KLHL2: variants seen among roughly 807,000 people sequenced by gnomAD.
KLHL2 encodes the protein kelch-like protein 2.
Under a neutral mutation model 75.8 loss-of-function variants are expected in KLHL2, and 15 were observed. The observed-to-expected ratio is 0.20, with a 90% CI of 0.13 to 0.30. The LOEUF (loss-of-function observed/expected upper bound fraction) is 0.30. Among genes scored for constraint, KLHL2 ranks in the 10% least tolerant of loss-of-function variants. KLHL2 has a pLI of 1.00. For missense variants in KLHL2, 381 were observed against 741.0 expected (o/e 0.51, Z 5.64); for synonymous variants, 214 against 251.9 (o/e 0.85, Z 1.42).
rs188286734 is a variant in KLHL2, at chr4:165,266,836, G to T, written c.544+3477G>T. On this transcript the variant is annotated intron_variant, in intron 5 of 14. Coordinates refer to ENST00000226725, the MANE Select transcript of KLHL2 (RefSeq NM_007246.4). ...TTGTTTCCATATGAAATTTAAAGTA[G>T]TTTTTTCCAATTCTGTGAAGAAAGT... Among the ~76,000 whole-genome samples the T allele has an allele frequency of 9.7e-3, 1,472 of 152,150 alleles. 16 individuals carry two copies. The highest frequency in any genetic ancestry group is 0.016 in the Non-Finnish European group (1,096 of 67,994).
intron 4 of KLHL2, among the ~76,000 whole-genome samples, chr4:165,262,012 C>A (rs1040122163): frequency 2.6e-5 from 4 of 152,086 alleles, no homozygotes; most frequent in Non-Finnish European, 5.9e-5. Flanking sequence ...TATAAAGGAT[C>A]ACCAGAATTC....
chr4:165,302,907 A>G (rs953453794), intron 8 of KLHL2, among the ~76,000 whole-genome samples: 1 of 152,190 alleles, frequency 6.6e-6, no homozygotes, highest in South Asian at 2.1e-4. Context: ...TTTTCCTTAC[A>G]AAAGGTCTTC....
intron 3 of KLHL2, 59 bp from the exon 4 acceptor site, chr4:165,238,719 A>G (rs1739564048): frequency 8.7e-6 from 14 of 1,607,440 alleles, no homozygotes; most frequent in Middle Eastern, 3.3e-4. Flanking sequence ...CTACATTGGC[A>G]TTGGAACTTC....
At chr4:165,239,732 A>G (rs771977183) in intron 4 of KLHL2, among the ~76,000 whole-genome samples, 16 of 152,222 alleles carry the variant, frequency 1.1e-4, no homozygotes, top group Admixed American at 2.6e-4. Flanking sequence ...ATCCCTCTTT[A>G]GAAAACGGAC....
intron 1 of KLHL2, among the ~76,000 whole-genome samples, chr4:165,210,460 T>G (rs1737130730): frequency 6.6e-6 from 1 of 152,234 alleles, no homozygotes; most frequent in Non-Finnish European, 1.5e-5. Context: ...TTCATCCTTT[T>G]TAATTCTCAT....
chr4:165,208,048 C>CA (rs1252841738), intron 1 of KLHL2, 146 bp downstream of exon 1: 1 of 442,618 alleles, frequency 2.3e-6, no homozygotes, highest in East Asian at 4.6e-5. Context: ...GCTGTGCCCG[C>CA]AGTCCTGAGC....
At chr4:165,278,311 T>C (rs1316119627) in intron 5 of KLHL2, 4 of 1,087,944 alleles carry the variant, frequency 3.7e-6, no homozygotes, top group Non-Finnish European at 5.7e-6. Context: ...GCTTCACTAC[T>C]GGAATATACA....
chr4:165,304,431 C>T (rs1255642605), intron 8 of KLHL2, among the ~76,000 whole-genome samples: 1 of 152,092 alleles, frequency 6.6e-6, no homozygotes, highest in Admixed American at 6.6e-5. Context: ...ATGAGTTACT[C>T]CATATTCTGT....
chr4:165,314,171 C>T lies in KLHL2; in HGVS notation c.1609+5C>T, dbSNP rs1282548524. 18 of 1,610,892 alleles carry T rather than the reference C, an allele frequency of 1.1e-5. No homozygotes were observed. The Admixed American group carries it at 1.8e-4, about 17-fold the overall frequency. ...ACATGTGCAGAAGAAATGCAGGTAT[C>T]TGTCAGTTTAAGGTTATAAAACTTA... is the stretch of plus-strand genomic sequence containing the variant. On this transcript the variant is annotated splice_donor_5th_base_variant and intron_variant, in intron 13 of 14. Coordinates refer to ENST00000226725, the MANE Select transcript of KLHL2 (RefSeq NM_007246.4).
At chr4:165,276,575 TAAG>T (rs997288817) in intron 5 of KLHL2, among the ~76,000 whole-genome samples, 23 of 152,180 alleles carry the variant, frequency 1.5e-4, no homozygotes, top group Non-Finnish European at 7.3e-5. Flanking sequence ...AGATTGACGT[TAAG>T]AAGCTAGATT....
intron 3 of KLHL2, among the ~76,000 whole-genome samples, chr4:165,235,391 G>C (rs1402379654): frequency 6.6e-6 from 1 of 152,126 alleles, no homozygotes; most frequent in Non-Finnish European, 1.5e-5. Context: ...AGTAGAGATA[G>C]GGTTTCGCCA....
At chr4:165,278,792 A>G in intron 5 of KLHL2, 1 of 1,545,750 alleles carries the variant, frequency 6.5e-7, no homozygotes, top group South Asian at 1.1e-5. Flanking sequence ...ATTACATAGT[A>G]AGAAACATCC....
chr4:165,309,048 A>G (rs945160796), intron 9 of KLHL2, among the ~76,000 whole-genome samples: 1 of 152,212 alleles, frequency 6.6e-6, no homozygotes, highest in African/African-American at 2.4e-5. Context: ...AGCTCGTCAA[A>G]CATATCTGGT....
At chr4:165,299,254 A>T (rs1745164105) in intron 7 of KLHL2, among the ~76,000 whole-genome samples, 1 of 152,102 alleles carries the variant, frequency 6.6e-6, no homozygotes, top group Admixed American at 6.5e-5. Context: ...CTAACATTGA[A>T]GTTTATCATT....
rs764042173 is a variant in KLHL2, at chr4:165,278,540, G to A, written c.544+15181G>A. Reference sequence around the variant, plus strand: ...TCTTGCGCTGGGCTCCCAATAAGGTGCATATAACCCCGAAAATGCTGGGAC... The same window carrying A: ...TCTTGCGCTGGGCTCCCAATAAGGTACATATAACCCCGAAAATGCTGGGAC... On this transcript the variant is annotated intron_variant, in intron 5 of 14. Transcript: ENST00000226725. 3.1e-6 allele frequency: 5 copies of A among 1,609,662 alleles called. No homozygotes were observed. In the African/African-American group the frequency reaches 4.0e-5, roughly 13 times the overall value.
At chr4:165,213,293 A>G (rs999201932) in intron 1 of KLHL2, among the ~76,000 whole-genome samples, 1 of 152,068 alleles carries the variant, frequency 6.6e-6, no homozygotes, top group Admixed American at 6.6e-5. Context: ...CACTGTTTTA[A>G]CCCTCCAACA....
intron 11 of KLHL2, among the ~76,000 whole-genome samples, chr4:165,312,730 C>T (rs968499097): frequency 6.6e-6 from 1 of 152,186 alleles, no homozygotes. Context: ...TTTAGTCATA[C>T]AGTATGTGAT....
rs960845380 is a variant in KLHL2, at chr4:165,319,914, A to T, written c.1753+1945A>T. Among the ~76,000 whole-genome samples, 1 of 152,224 alleles carries T rather than the reference A, an allele frequency of 6.6e-6. No individual in the cohort carries two copies. The highest frequency in any genetic ancestry group is 1.5e-5 in the Non-Finnish European group (1 of 68,036). ...TGATTTGAGAAAAAGGAAAGTCATT[A>T]TGTGACAACCTGAAGCAAAAGGAAG... is the stretch of plus-strand genomic sequence containing the variant. On this transcript the variant is annotated intron_variant, in intron 14 of 14. Transcript: ENST00000226725. This position sits in a 1 kb window ranked among gnomAD's most constrained non-coding sequence, Gnocchi z 4.5.
chr4:165,288,181 T>C (rs187278982), intron 5 of KLHL2, among the ~76,000 whole-genome samples: 2 of 152,310 alleles, frequency 1.3e-5, no homozygotes, highest in East Asian at 1.9e-4. Context: ...TTTTTGTGTA[T>C]GGCGTATATG....
Sources: gnomAD v4.1 joint callset for allele counts (sites outside exome capture counted in the v4.1 genomes callset) on GRCh38, gnomAD v4.1.1 for gene constraint, Gnocchi (gnomAD v3.1) non-coding constraint, MANE v1.5 for transcripts, NCBI Gene and HGNC (gene_info 2026-07-23, HGNC 2026-07-21) for gene names.